The following TEX9 variants were observed in gnomAD, a reference collection of about 807,000 sequenced individuals.
TEX9 encodes the protein testis-expressed protein 9.
In TEX9, 74 loss-of-function variants were observed where a neutral mutation model predicts 59.6. That is an observed-to-expected ratio of 1.24 (90% CI 1.03 to 1.51). TEX9 has a LOEUF of 1.51. Ranked by LOEUF, TEX9 falls within the 40% of genes most tolerant of loss-of-function variation. The pLI, the probability that TEX9 is intolerant of heterozygous loss-of-function variation, is 0.00. For synonymous variants in TEX9, 186 were observed against 152.2 expected (o/e 1.22, Z -1.64); for missense variants, 522 against 447.8 (o/e 1.17, Z -1.49).
intron 9 of TEX9, among the ~76,000 whole-genome samples, chr15:56,403,960 A>G (rs1259708749): frequency 6.6e-6 from 1 of 152,268 alleles, no homozygotes; most frequent in Non-Finnish European, 1.5e-5. Context: ...TCCCTTCCTT[A>G]CACGTTATAC....
chr15:56,262,773 G>A (rs1230069795), intron 1 of TEX9, among the ~76,000 whole-genome samples: 1 of 152,100 alleles, frequency 6.6e-6, no homozygotes, highest in Non-Finnish European at 1.5e-5. Flanking sequence ...TATATTACTT[G>A]ATACTAGGTT....
chr15:56,339,402 A>AAAAAC (rs2046327930), intron 1 of TEX9, among the ~76,000 whole-genome samples: 1 of 79,480 alleles, frequency 1.3e-5, no homozygotes, highest in Non-Finnish European at 3.7e-5. Context: ...AAAAAAAAAA[A>AAAAAC]AAAAAAAAAA....
At chr15:56,450,089 G>A (rs142335865), downstream of TEX9, among the ~76,000 whole-genome samples, 38 of 151,948 alleles carry the variant, frequency 2.5e-4, 1 homozygote, top group African/African-American at 8.9e-4. Flanking sequence ...CCTTCTTTTT[G>A]TAATCATTCC....
At chr15:56,362,393 A>G (rs2046805878), upstream of TEX9, among the ~76,000 whole-genome samples, 1 of 152,040 alleles carries the variant, frequency 6.6e-6, no homozygotes, top group African/African-American at 2.4e-5. Flanking sequence ...TCTATCATTA[A>G]TGCTCCTCTT....
chr15:56,384,082 T>G (rs1339523131), intron 4 of TEX9, 51 bp downstream of exon 4: 2 of 1,405,966 alleles, frequency 1.4e-6, no homozygotes, highest in African/African-American at 2.9e-5. Context: ...TGTACATGGA[T>G]CGTTATGTAA....
chr15:56,443,371 T>C, intron 12 of TEX9: 3 of 1,268,622 alleles, frequency 2.4e-6, no homozygotes, highest in Non-Finnish European at 3.2e-6. Context: ...TCTTTTCTGC[T>C]TCATCTCAAA....
chr15:56,351,935 T>G (rs2046589341), intron 1 of TEX9, among the ~76,000 whole-genome samples: 2 of 152,184 alleles, frequency 1.3e-5, no homozygotes, highest in African/African-American at 4.8e-5. Context: ...TTTATTTAAC[T>G]CCCAGTACAT....
chr15:56,315,667 C>G (rs1476146105), intron 1 of TEX9, among the ~76,000 whole-genome samples: 3 of 143,710 alleles, frequency 2.1e-5, no homozygotes, highest in African/African-American at 7.5e-5. Context: ...TTGTGGCGTT[C>G]TCTGTATTTC....
At chr15:56,339,410 A>AAAAAAAT in intron 1 of TEX9, among the ~76,000 whole-genome samples, 1 of 150,018 alleles carries the variant, frequency 6.7e-6, no homozygotes, top group South Asian at 2.1e-4. Flanking sequence ...AAAAAAAAAA[A>AAAAAAAT]AAAACAGGAG....
At chr15:56,393,944 T>A (rs1198183384) in intron 7 of TEX9, 1 of 353,382 alleles carries the variant, frequency 2.8e-6, no homozygotes, top group Non-Finnish European at 5.1e-6. Context: ...GTCTGCAAAC[T>A]TATGTGAATA....
chr15:56,255,006 T>C (rs1344946668), intron 1 of TEX9, among the ~76,000 whole-genome samples: 1 of 152,004 alleles, frequency 6.6e-6, no homozygotes, highest in African/African-American at 2.4e-5. Context: ...AGGTGAAGCA[T>C]TCAAGAATCA....
intron 1 of TEX9, among the ~76,000 whole-genome samples, chr15:56,356,952 G>A (rs1469540945): frequency 6.6e-6 from 1 of 152,114 alleles, no homozygotes; most frequent in Non-Finnish European, 1.5e-5. Flanking sequence ...GGCAGCAATT[G>A]TAGTGATCTC....
exon 7 of TEX9, chr15:56,391,309 C>G: frequency 6.2e-7 from 1 of 1,606,216 alleles, no homozygotes. Flanking sequence ...ATTTCTCAGA[C>G]TTTTCCCTTG....
At position 56,383,942 on chromosome 15, in the gene TEX9, C is replaced by T. The variant is rs2047849325; in HGVS notation, c.184-10C>T. On this transcript the variant is annotated splice_polypyrimidine_tract_variant and intron_variant, in intron 3 of 12. Transcript: ENST00000352903. ...CTATATGATATATTACCTATCTTTA[C>T]TCATTTAAGAGAGATCGGCAAGAAG... 4 of 1,596,306 alleles carry T rather than the reference C, an allele frequency of 2.5e-6. No homozygotes were observed. Among genetic ancestry groups the T allele is most frequent in the Non-Finnish European group, 3.4e-6 (4 of 1,171,268 alleles).
At chr15:56,268,213 G>A (rs1353836064) in intron 1 of TEX9, among the ~76,000 whole-genome samples, 1 of 152,184 alleles carries the variant, frequency 6.6e-6, no homozygotes, top group African/African-American at 2.4e-5. Context: ...ATCAGCTTAA[G>A]GAGATTTTGG....
At chr15:56,365,344 C>G (rs1412634875), upstream of TEX9, 1 of 1,429,734 alleles carries the variant, frequency 7.0e-7, no homozygotes, top group East Asian at 2.5e-5. Flanking sequence ...CAGCACAGAA[C>G]CTGAGAGTGG....
intron 1 of TEX9, among the ~76,000 whole-genome samples, chr15:56,345,536 A>T (rs1450407930): frequency 1.3e-5 from 2 of 152,030 alleles, no homozygotes; most frequent in Non-Finnish European, 2.9e-5. Context: ...TGATCCTCCC[A>T]CCTCAGCCTC....
chr15:56,403,516 T>G (rs1250091691), intron 9 of TEX9, among the ~76,000 whole-genome samples: 1 of 152,252 alleles, frequency 6.6e-6, no homozygotes, highest in Non-Finnish European at 1.5e-5. Flanking sequence ...TCTGTACTCA[T>G]GGATAGGAAG....
At chr15:56,267,134 G>A (rs758906086) in intron 1 of TEX9, among the ~76,000 whole-genome samples, 19 of 152,190 alleles carry the variant, frequency 1.2e-4, no homozygotes, top group Non-Finnish European at 2.1e-4. Flanking sequence ...CTTTTGAAAA[G>A]TGTCTGTTCA....
Sources: allele counts gnomAD v4.1 joint callset (sites outside exome capture counted in the v4.1 genomes callset), GRCh38; gene constraint gnomAD v4.1.1; transcripts MANE v1.5; gene names NCBI Gene and HGNC (gene_info 2026-07-23, HGNC 2026-07-21).